The following UBAP2L variants were observed in gnomAD, a reference collection of about 807,000 sequenced individuals.
UBAP2L encodes ubiquitin associated protein 2 like.
A neutral mutation model predicts 130.6 loss-of-function variants in UBAP2L; 12 were observed. The ratio of observed to expected loss-of-function variants is 0.09; its 90% confidence interval spans 0.06 to 0.15. The LOEUF (loss-of-function observed/expected upper bound fraction) is 0.15, where lower values mean the gene tolerates loss of function less well. Ranked by LOEUF, UBAP2L falls within the 10% of genes least tolerant of loss-of-function variation. The pLI is 1.00. For synonymous variants in UBAP2L, 503 were observed against 524.7 expected, an observed-to-expected ratio of 0.96 and a Z score of 0.57; for missense variants, 965 against 1,332.5, an observed-to-expected ratio of 0.72 and a Z score of 4.29.
chr1:154,246,429 A>G, intron 11 of UBAP2L, 54 bp downstream of exon 11: 4 of 1,551,412 alleles, frequency 2.6e-6, no homozygotes, highest in South Asian at 2.4e-5. Flanking sequence ...ATCCTAGCAC[A>G]CATACACAGT....
chr1:154,256,463 C>T (rs754820153), intron 18 of UBAP2L, among the ~76,000 whole-genome samples: 1 of 152,060 alleles, frequency 6.6e-6, no homozygotes, highest in Non-Finnish European at 1.5e-5. Context: ...ATAGTGAGAC[C>T]TCATCTCCAT....
At chr1:154,246,527 G>A in intron 11 of UBAP2L, 152 bp downstream of exon 11, 1 of 731,980 alleles carries the variant, frequency 1.4e-6, no homozygotes, top group Non-Finnish European at 2.2e-6. Flanking sequence ...TTTGAGTTGG[G>A]TAATAGGGGG....
intron 18 of UBAP2L, 115 bp downstream of exon 18, chr1:154,255,870 G>T: frequency 7.8e-7 from 1 of 1,277,822 alleles, no homozygotes; most frequent in Non-Finnish European, 1.1e-6. Context: ...CAAAATAATT[G>T]ATTTGAGGTT....
intron 24 of UBAP2L, among the ~76,000 whole-genome samples, chr1:154,265,914 C>T (rs1683101173): frequency 6.6e-6 from 1 of 152,160 alleles, no homozygotes; most frequent in Non-Finnish European, 1.5e-5. Flanking sequence ...TAGACCTTTA[C>T]ATCTTAAGTT....
chr1:154,267,063 T>G (rs559331899), intron 25 of UBAP2L, among the ~76,000 whole-genome samples: 2 of 151,942 alleles, frequency 1.3e-5, no homozygotes, highest in Admixed American at 1.3e-4. Context: ...TATAAAGCAC[T>G]GGGGGTCTGG....
intron 20 of UBAP2L, 104 bp from the exon 21 acceptor site, chr1:154,258,873 C>G (rs1484955320): frequency 1.1e-6 from 1 of 923,790 alleles, no homozygotes; most frequent in African/African-American, 1.7e-5. Flanking sequence ...TGTTCTAACC[C>G]AGAATGAGGA....
At chr1:154,247,385 A>C (rs566830622) in intron 11 of UBAP2L, among the ~76,000 whole-genome samples, 2 of 152,304 alleles carry the variant, frequency 1.3e-5, no homozygotes, top group African/African-American at 4.8e-5. Flanking sequence ...GTTGGGATTA[A>C]ATAGAAAAAG....
In UBAP2L at chr1:154,270,251, A is replaced by G. The variant is rs1244447172; in HGVS notation, c.3220A>G (p.Thr1074Ala). 1.2e-6 allele frequency: 2 copies of G among 1,613,720 alleles called. No individual in the cohort carries two copies. Among genetic ancestry groups the G allele is most frequent in the South Asian group, 2.2e-5 (2 of 90,918 alleles). ...CAGCTCCATCCCGCAGAAGCCCCAG[A>G]CCAACAAGTCTGCCTACAACAGCTA... ...QTSSIPQKPQTNKSAYNSYSW... is the reference protein window; with the variant it reads ...QTSSIPQKPQANKSAYNSYSW... Residue 1074 changes from threonine to alanine, a missense_variant, in exon 27 of 27, where the codon ACC becomes GCC. Transcript: ENST00000428931.
At position 154,270,336 on chromosome 1, in the gene UBAP2L, C is replaced by T; in HGVS notation, c.*41C>T. ...CTCCCGGTCCCATCTTCTGAGAGGG[C>T]TTCTCAGCCTGGAAACTATGGAAAC... is the stretch of plus-strand genomic sequence containing the variant. On this transcript the variant is annotated 3_prime_UTR_variant, in exon 27 of 27. Coordinates refer to ENST00000428931, the MANE Select transcript of UBAP2L (RefSeq NM_014847.4). 8 of 1,613,120 alleles carry T rather than the reference C, an allele frequency of 5.0e-6. No homozygotes were observed. The Middle Eastern group carries it at 4.9e-4, about 100-fold the overall frequency.
At chr1:154,223,811 CTAA>C (rs1054319394) in intron 1 of UBAP2L, among the ~76,000 whole-genome samples, 1 of 152,170 alleles carries the variant, frequency 6.6e-6, no homozygotes, top group African/African-American at 2.4e-5. Flanking sequence ...ATTCACTTCC[CTAA>C]TAGTTAATCC....
chr1:154,259,761 T>C, intron 21 of UBAP2L, 187 bp from the exon 22 acceptor site: 1 of 756,500 alleles, frequency 1.3e-6, no homozygotes, highest in South Asian at 1.4e-5. Context: ...ACTGTGCTCA[T>C]GGCCAGGCAG....
chr1:154,270,528 C>T lies in UBAP2L; in HGVS notation c.*233C>T. On this transcript the variant is annotated 3_prime_UTR_variant, in exon 27 of 27. Coordinates refer to ENST00000428931, the MANE Select transcript of UBAP2L (RefSeq NM_014847.4). ...TTTTTTTCCCCCTTCCATTCCTTCT[C>T]CCCTCTTGCATTCAAGATTATGAAA... is the stretch of plus-strand genomic sequence containing the variant. 1 of 1,437,534 alleles carries T rather than the reference C, an allele frequency of 7.0e-7. No homozygotes were observed. Among genetic ancestry groups the T allele is most frequent in the Non-Finnish European group, 9.1e-7 (1 of 1,099,654 alleles). The allele number at this position is 1,437,534 out of a possible 1,614,324, so 89.0% of individuals were successfully genotyped here.
At chr1:154,220,891 AG>A (rs1362924386), upstream of UBAP2L, 1 of 68,218 alleles carries the variant, frequency 1.5e-5, no homozygotes, top group Non-Finnish European at 2.8e-5. Context: ...GAGAGGGAAA[AG>A]GAGGGAGGGG....
Position 154,251,641 on chromosome 1 carries a change from C to T in UBAP2L, c.1652C>T (p.Thr551Ile), listed in dbSNP as rs753530936. The T allele has an allele frequency of 6.2e-7, 1 of 1,614,038 alleles. No individual in the cohort carries two copies. The highest frequency in any genetic ancestry group is 1.1e-5 in the South Asian group (1 of 91,090). ...AGCCAGGCTCCAAGTAGCCTGTATA[C>T]CAGCACGGCCAGGTAGAGGAAACAT... ...SSSQAPSSLY[T>I]STASESSSTI... The change falls in exon 14 of 27, where the codon ACC becomes ATC. Residue 551 changes from threonine to isoleucine, a missense_variant. Physicochemically the swap from Thr to Ile is moderately conservative, Grantham distance 89. This residue lies in a region of UBAP2L where 393 missense variants were observed against 408.1 expected (regional missense o/e 0.96). Transcript: ENST00000428931.
In UBAP2L at chr1:154,227,293, A is replaced by G; in HGVS notation, c.102A>G (p.Glu34=). 6.2e-7 allele frequency: 1 copy of G among 1,613,742 alleles called. No homozygotes were observed. Among genetic ancestry groups the G allele is most frequent in the South Asian group, 1.1e-5 (1 of 91,082 alleles). ...QHKQRPQATA[E]QIRLAQMISD... ...ATCTCAATTCCTAGGCCACTGCAGA[A>G]CAAATTAGACTTGCACAGATGATTT... Residue 34 remains glutamate, a synonymous_variant, in exon 3 of 27, where the codon GAA becomes GAG. Coordinates refer to ENST00000428931, the MANE Select transcript of UBAP2L (RefSeq NM_014847.4).
intron 24 of UBAP2L, chr1:154,263,179 T>TTG (rs991516357): frequency 2.6e-6 from 4 of 1,551,386 alleles, no homozygotes; most frequent in African/African-American, 1.4e-5. Context: ...GGGCTGTGTT[T>TTG]TGTGTGTGTG....
At chr1:154,231,443 G>C (rs964626307) in intron 4 of UBAP2L, among the ~76,000 whole-genome samples, 1 of 152,038 alleles carries the variant, frequency 6.6e-6, no homozygotes, top group Non-Finnish European at 1.5e-5. Flanking sequence ...TAGGGCCACA[G>C]GTGTGTGCCA....
chr1:154,253,315 T>C (rs1406893274), intron 14 of UBAP2L, among the ~76,000 whole-genome samples: 1 of 151,400 alleles, frequency 6.6e-6, no homozygotes, highest in Admixed American at 6.6e-5. Context: ...CTTTTTCTTA[T>C]AACAGCAAAA....
chr1:154,236,887 A>G (rs1429601686), intron 7 of UBAP2L, 137 bp from the exon 8 acceptor site: 3 of 705,136 alleles, frequency 4.3e-6, no homozygotes, highest in Non-Finnish European at 7.1e-6. Flanking sequence ...GAGAAAAAGT[A>G]GATGACACAC....
Sources: gnomAD v4.1 joint callset for allele counts (sites outside exome capture counted in the v4.1 genomes callset) on GRCh38, gnomAD v4.1.1 for gene constraint, gnomAD v4.1.1 regional missense constraint, MANE v1.5 for transcripts, NCBI Gene and HGNC (gene_info 2026-07-23, HGNC 2026-07-21) for gene names.